Variants in MAGI3 observed in about 807,000 individuals in gnomAD.
The protein encoded by MAGI3 is membrane associated guanylate kinase, WW and PDZ domain containing 3, also known as membrane-associated guanylate kinase, WW and PDZ domain-containing protein 3.
In MAGI3, 43 loss-of-function variants were observed where a neutral mutation model predicts 121.8. That is an observed-to-expected ratio of 0.35 (90% CI 0.28 to 0.46). The LOEUF is 0.46. Among genes scored for constraint, MAGI3 ranks in the 20% least tolerant of loss-of-function variants. MAGI3 has a pLI of 1.00. For missense variants in MAGI3, 1,547 were observed against 1,797.3 expected, an observed-to-expected ratio of 0.86 and a Z score of 2.52; for synonymous variants, 553 against 639.3, an observed-to-expected ratio of 0.86 and a Z score of 2.04.
Position 113,513,961 on chromosome 1 carries a change from G to A in MAGI3, c.317-35554G>A, listed in dbSNP as rs910691203. Among the ~76,000 whole-genome samples the A allele has an allele frequency of 1.1e-4, 17 of 152,038 alleles. No individual in the cohort carries two copies. In the South Asian group the frequency reaches 1.9e-3, roughly 17 times the overall value. On this transcript the variant is annotated intron_variant, in intron 1 of 20. Coordinates refer to ENST00000307546, the MANE Select transcript of MAGI3 (RefSeq NM_001142782.2). ...AAAACAACCCCATCAAAAAGTGGGT[G>A]AAGGACATGAACAGACACTTCTCAA...
chr1:113,566,522 A>G (rs968490499), intron 2 of MAGI3, among the ~76,000 whole-genome samples: 6 of 152,220 alleles, frequency 3.9e-5, no homozygotes, highest in Non-Finnish European at 8.8e-5. Context: ...TCAAGCATGC[A>G]TGGAAGATTC....
chr1:113,512,123 A>T (rs1196611515), intron 1 of MAGI3, among the ~76,000 whole-genome samples: 3 of 152,212 alleles, frequency 2.0e-5, no homozygotes, highest in Non-Finnish European at 4.4e-5. Flanking sequence ...AATTATTCTT[A>T]GGGCAAGACA....
intron 1 of MAGI3, among the ~76,000 whole-genome samples, chr1:113,538,531 T>C (rs1331161747): frequency 2.0e-5 from 3 of 152,222 alleles, no homozygotes; most frequent in Non-Finnish European, 4.4e-5. Flanking sequence ...ATAACACTTC[T>C]AAAATGCTGG....
intron 1 of MAGI3, among the ~76,000 whole-genome samples, chr1:113,483,046 A>G (rs1297248993): frequency 6.6e-6 from 1 of 152,128 alleles, no homozygotes; most frequent in Non-Finnish European, 1.5e-5. Context: ...TGAGCTCAAG[A>G]GATCCACCCA....
At chr1:113,551,683 C>T (rs996530456) in intron 2 of MAGI3, among the ~76,000 whole-genome samples, 3 of 152,064 alleles carry the variant, frequency 2.0e-5, no homozygotes, top group Admixed American at 1.3e-4. Flanking sequence ...CAGTGTGAAA[C>T]TTCTTAAATT....
chr1:113,682,943 T>C lies in MAGI3; in HGVS notation c.3375T>C (p.Asp1125=). 1 of 1,605,552 alleles carries C rather than the reference T, an allele frequency of 6.2e-7. No individual in the cohort carries two copies. The highest frequency in any genetic ancestry group is 8.5e-7 in the Non-Finnish European group (1 of 1,177,782). Residue 1125 remains aspartate, a synonymous_variant, in exon 21 of 21, where the codon GAT becomes GAC. Transcript: ENST00000307546. ...NNPSSSNVIY[D]EQSPLPPSSH... ...CTTCGTCTTCAAATGTGATTTATGA[T>C]GAACAGTCACCATTACCCCCATCTT... is the stretch of plus-strand genomic sequence containing the variant.
At chr1:113,662,838 A>T (rs1653850178) in intron 16 of MAGI3, among the ~76,000 whole-genome samples, 1 of 152,114 alleles carries the variant, frequency 6.6e-6, no homozygotes, top group African/African-American at 2.4e-5. Flanking sequence ...CTGTTCTAAG[A>T]TCCAATCCAG....
rs141360359 is a variant in MAGI3 at position 113,434,964 on chromosome 1, A to C, written c.316+43615A>C. Among the ~76,000 whole-genome samples, 1,326 of 152,292 alleles carry C rather than the reference A, an allele frequency of 8.7e-3. 14 individuals are homozygous for C. Among genetic ancestry groups the C allele is most frequent in the African/African-American group, 0.03 (1,261 of 41,570 alleles). ...AGCCTTTTAATGTTATATTCTTGCA[A>C]AATTTTTATCTTTAGTCATCACTTT... is the stretch of plus-strand genomic sequence containing the variant. On this transcript the variant is annotated intron_variant, in intron 1 of 20. Coordinates refer to ENST00000307546, the MANE Select transcript of MAGI3 (RefSeq NM_001142782.2).
chr1:113,546,328 A>G (rs1174309506), intron 1 of MAGI3, among the ~76,000 whole-genome samples: 1 of 152,136 alleles, frequency 6.6e-6, no homozygotes, highest in Non-Finnish European at 1.5e-5. Flanking sequence ...TACATAAAAT[A>G]TCACATTTAT....
Position 113,673,439 on chromosome 1 carries a change from C to G in MAGI3, c.3163C>G (p.Pro1055Ala), listed in dbSNP as rs1206310194. Reference sequence around the variant, plus strand: ...CATCCTTCGTCTTGCTGAAGATGGTCCTGCCATCAAAGATGGCAGAATTCA... The same window carrying G: ...CATCCTTCGTCTTGCTGAAGATGGTGCTGCCATCAAAGATGGCAGAATTCA... ...LFILRLAEDG[P>A]AIKDGRIHVG... Residue 1055 changes from proline (P) to alanine (A), a missense_variant, in exon 19 of 21, where the codon CCT becomes GCT. Transcript: ENST00000307546. 6.2e-7 allele frequency: 1 copy of G among 1,612,858 alleles called. No individual in the cohort carries two copies. The highest frequency in any genetic ancestry group is 2.2e-5 in the East Asian group (1 of 44,838).
In MAGI3 at chr1:113,517,264, TG is replaced by T. The variant is rs1462330611; in HGVS notation, c.317-32248del. Reference sequence around the variant, plus strand: ...TAATAGGGGGAATTGGTGTAGTATATGGGAACTCTATACTATCTTTACGATT... The same window carrying T: ...TAATAGGGGGAATTGGTGTAGTATATGGAACTCTATACTATCTTTACGATT... On this transcript the variant is annotated intron_variant, in intron 1 of 20. Coordinates refer to ENST00000307546, the MANE Select transcript of MAGI3 (RefSeq NM_001142782.2). 3.9e-5 allele frequency among the ~76,000 whole-genome samples: 6 copies of T among 152,010 alleles called. No homozygotes were observed. The South Asian group carries it at 8.3e-4, about 21-fold the overall frequency.
chr1:113,548,360 C>T (rs1659629224), intron 1 of MAGI3, among the ~76,000 whole-genome samples: 1 of 152,160 alleles, frequency 6.6e-6, no homozygotes, highest in Admixed American at 6.5e-5. Context: ...GTTTTTTCTG[C>T]TTAATATTTC....
chr1:113,466,679 C>G (rs1655306570), intron 1 of MAGI3, among the ~76,000 whole-genome samples: 1 of 151,930 alleles, frequency 6.6e-6, no homozygotes, highest in African/African-American at 2.4e-5. Flanking sequence ...TTGAGGTTTT[C>G]TGTTTCTTCA....
At chr1:113,595,279 G>C (rs926071138) in intron 6 of MAGI3, among the ~76,000 whole-genome samples, 2 of 151,902 alleles carry the variant, frequency 1.3e-5, no homozygotes, top group Non-Finnish European at 2.9e-5. Flanking sequence ...CTCCAGCCTG[G>C]GCAACAGAGA....
intron 13 of MAGI3, among the ~76,000 whole-genome samples, chr1:113,649,896 G>A (rs1653062679): frequency 6.6e-6 from 1 of 152,128 alleles, no homozygotes; most frequent in African/African-American, 2.4e-5. Flanking sequence ...TTGAAGTCTA[G>A]GATTTTGTTT....
intron 1 of MAGI3, among the ~76,000 whole-genome samples, chr1:113,471,891 T>C (rs1404397661): frequency 6.6e-6 from 1 of 152,224 alleles, no homozygotes; most frequent in Non-Finnish European, 1.5e-5. Context: ...ATTGCATTGC[T>C]GTTTCTCCTT....
At chr1:113,478,474 C>T (rs1655957722) in intron 1 of MAGI3, among the ~76,000 whole-genome samples, 1 of 152,222 alleles carries the variant, frequency 6.6e-6, no homozygotes, top group South Asian at 2.1e-4. Context: ...TTCCTTCTAA[C>T]AGTCAGTTCC....
At chr1:113,665,620 GAATA>G (rs1654002835) in intron 16 of MAGI3, among the ~76,000 whole-genome samples, 2 of 152,044 alleles carry the variant, frequency 1.3e-5, no homozygotes, top group Admixed American at 6.6e-5. Flanking sequence ...TGGGGGTGGA[GAATA>G]TCTTTACATA....
At chr1:113,521,505 A>C (rs535836119) in intron 1 of MAGI3, among the ~76,000 whole-genome samples, 1 of 150,638 alleles carries the variant, frequency 6.6e-6, no homozygotes, top group South Asian at 2.1e-4. Context: ...TTCCGGGTTC[A>C]TGCCATTCTC....
Sources: gnomAD v4.1 joint callset for allele counts (sites outside exome capture counted in the v4.1 genomes callset) on GRCh38, gnomAD v4.1.1 for gene constraint, MANE v1.5 for transcripts, NCBI Gene and HGNC (gene_info 2026-07-23, HGNC 2026-07-21) for gene names.